Variants in SPMIP6 observed in about 807,000 individuals in gnomAD.
The protein encoded by SPMIP6 is ciliated bronchial epithelial protein 1.
chr9:34,385,436 G>A, the SPMIP6 span, among the ~76,000 whole-genome samples: 1 of 147,086 alleles, frequency 6.8e-6, no homozygotes, highest in Admixed American at 7.0e-5. Context: ...GGAGGCTAAG[G>A]TAGGAAAATC....
the SPMIP6 span, among the ~76,000 whole-genome samples, chr9:34,384,495 G>A: frequency 6.6e-6 from 1 of 152,180 alleles, no homozygotes; most frequent in Admixed American, 6.5e-5. Flanking sequence ...CGAGTAGAGA[G>A]TGGTCAGAAG....
At chr9:34,387,527 CCT>C in the SPMIP6 span, among the ~76,000 whole-genome samples, 1 of 151,676 alleles carries the variant, frequency 6.6e-6, no homozygotes, top group Middle Eastern at 3.4e-3. Context: ...CACACACACC[CCT>C]GTGTACCCAG....
At chr9:34,394,300 C>T in the SPMIP6 span, among the ~76,000 whole-genome samples, 1 of 152,154 alleles carries the variant, frequency 6.6e-6, no homozygotes, top group African/African-American at 2.4e-5. Flanking sequence ...GGACTACAGG[C>T]ATCCACCACC....
chr9:34,385,722 T>C, the SPMIP6 span: 1 of 1,613,566 alleles, frequency 6.2e-7, no homozygotes, highest in Non-Finnish European at 8.5e-7. Flanking sequence ...GTACAGCACA[T>C]TTGGCCATCT....
the SPMIP6 span, among the ~76,000 whole-genome samples, chr9:34,395,958 G>A: frequency 6.6e-6 from 1 of 151,988 alleles, no homozygotes; most frequent in African/African-American, 2.4e-5. Context: ...GGCAATTTGA[G>A]GTATATAGCA....
the SPMIP6 span, chr9:34,381,461 T>G: frequency 6.2e-7 from 1 of 1,614,008 alleles, no homozygotes; most frequent in Non-Finnish European, 8.5e-7. The surrounding 1 kb of genome is among the most constrained non-coding windows in gnomAD (Gnocchi z 4.4). Context: ...GCGGCACACA[T>G]GCTACCTCAA....
At chr9:34,385,882 G>T in the SPMIP6 span, 3 of 1,291,434 alleles carry the variant, frequency 2.3e-6, no homozygotes, top group Non-Finnish European at 2.1e-6. Context: ...GGTCAGCCCA[G>T]GTGGGTCTCC....
the SPMIP6 span, among the ~76,000 whole-genome samples, chr9:34,384,122 T>C: frequency 6.6e-6 from 1 of 152,182 alleles, no homozygotes; most frequent in African/African-American, 2.4e-5. Flanking sequence ...GGTGCAGTGC[T>C]GGGATTTGGA....
At chr9:34,380,866 G>A in the SPMIP6 span, 1 of 1,537,864 alleles carries the variant, frequency 6.5e-7, no homozygotes, top group Non-Finnish European at 8.7e-7. Flanking sequence ...GTGGGGTGGA[G>A]CCCGGCTGAG....
the SPMIP6 span, among the ~76,000 whole-genome samples, chr9:34,385,063 C>T: frequency 6.6e-6 from 1 of 151,892 alleles, no homozygotes; most frequent in Non-Finnish European, 1.5e-5. Flanking sequence ...AATCCTTTCT[C>T]CAACTCGCTA....
the SPMIP6 span, chr9:34,380,737 G>C: frequency 6.5e-7 from 1 of 1,548,292 alleles, no homozygotes; most frequent in Non-Finnish European, 8.7e-7. Context: ...AGGCCTTGGA[G>C]CCCGAGGGCG....
the SPMIP6 span, chr9:34,389,919 G>A: frequency 8.1e-6 from 1 of 123,664 alleles, no homozygotes; most frequent in East Asian, 2.3e-4. Context: ...TTCTAATAAT[G>A]TGTGTAGATT....
the SPMIP6 span, among the ~76,000 whole-genome samples, chr9:34,396,260 CTGAGT>C: frequency 3.3e-5 from 5 of 152,114 alleles, no homozygotes; most frequent in Non-Finnish European, 5.9e-5. Flanking sequence ...TTGTGCTTCT[CTGAGT>C]TATCTGCATT....
chr9:34,387,729 T>C, the SPMIP6 span, among the ~76,000 whole-genome samples: 1 of 152,210 alleles, frequency 6.6e-6, no homozygotes, highest in African/African-American at 2.4e-5. Context: ...TGTTGATAAG[T>C]AGGAGATTAT....
At chr9:34,386,508 C>A in the SPMIP6 span, among the ~76,000 whole-genome samples, 1 of 150,880 alleles carries the variant, frequency 6.6e-6, no homozygotes, top group East Asian at 2.0e-4. Flanking sequence ...GCAGGAGAAT[C>A]AACCCAGGAG....
At chr9:34,395,282 A>G in the SPMIP6 span, among the ~76,000 whole-genome samples, 1 of 152,080 alleles carries the variant, frequency 6.6e-6, no homozygotes, top group Non-Finnish European at 1.5e-5. Context: ...TTCATTCTTA[A>G]TACCACTGCT....
the SPMIP6 span, chr9:34,397,635 G>T: frequency 6.3e-7 from 1 of 1,598,226 alleles, no homozygotes; most frequent in Non-Finnish European, 8.5e-7. Flanking sequence ...CAGGAACATG[G>T]TGTGGTCTTG....
At chr9:34,381,442 C>T in the SPMIP6 span, 1 of 1,614,114 alleles carries the variant, frequency 6.2e-7, no homozygotes, top group Non-Finnish European at 8.5e-7. The surrounding 1 kb of genome is among the most constrained non-coding windows in gnomAD (Gnocchi z 4.4). Flanking sequence ...CCATCCTGGC[C>T]TCCTGGAAGC....
the SPMIP6 span, chr9:34,385,686 T>C: frequency 2.1e-5 from 34 of 1,613,724 alleles, no homozygotes; most frequent in Admixed American, 3.3e-5. Flanking sequence ...GGTGGCCTGA[T>C]ATGGACCCCC....
Sources: gnomAD v4.1 joint callset for allele counts (sites outside exome capture counted in the v4.1 genomes callset) on GRCh38, gnomAD v4.1.1 for gene constraint, Gnocchi (gnomAD v3.1) non-coding constraint, MANE v1.5 for transcripts, NCBI Gene and HGNC (gene_info 2026-07-23, HGNC 2026-07-21) for gene names.